The following ELAVL2 variants were observed in gnomAD, a reference collection of about 807,000 sequenced individuals.
ELAVL2 encodes ELAV-like protein 2.
ELAVL2 carries 4 observed loss-of-function variants against 34.6 expected under a neutral mutation model. That is an observed-to-expected ratio of 0.12 (90% CI 0.06 to 0.26). The LOEUF (loss-of-function observed/expected upper bound fraction) is 0.26, where lower values mean the gene tolerates loss of function less well. ELAVL2 is among the 10% of genes least tolerant of loss of function. The pLI is 1.00. For synonymous variants in ELAVL2, 193 were observed against 154.8 expected, an observed-to-expected ratio of 1.25 and a Z score of -1.83; for missense variants, 432 against 442.8, an observed-to-expected ratio of 0.98 and a Z score of 0.22.
chr9:23,735,129 C>CAAAAAAAAAAAAAAAAAAAAAAAAAA (rs2047557256), intron 2 of ELAVL2: 1 of 29,462 alleles, frequency 3.4e-5, no homozygotes, highest in Non-Finnish European at 8.1e-5. Context: ...AAAAAAAAAG[C>CAAAAAAAAAAAAAAAAAAAAAAAAAA]CCTTAAGAAA....
chr9:23,833,364 T>G, the ELAVL2 span, among the ~76,000 whole-genome samples: 1 of 151,896 alleles, frequency 6.6e-6, no homozygotes, highest in Non-Finnish European at 1.5e-5. Flanking sequence ...GCTATGATTT[T>G]TATTTTTTTC....
chr9:23,721,202 G>C (rs187815844), intron 3 of ELAVL2, among the ~76,000 whole-genome samples: 43 of 152,294 alleles, frequency 2.8e-4, no homozygotes, highest in African/African-American at 1.0e-3. Context: ...TAAAGCCCAT[G>C]AAACTCATCC....
chr9:23,830,601 TAC>T (rs10525135), upstream of ELAVL2, among the ~76,000 whole-genome samples: 69 of 133,114 alleles, frequency 5.2e-4, no homozygotes, highest in South Asian at 2.9e-3. Flanking sequence ...GCCCCCCACT[TAC>T]ACACACACAC....
At chr9:23,830,715 A>C (rs2138748146), upstream of ELAVL2, among the ~76,000 whole-genome samples, 1 of 151,496 alleles carries the variant, frequency 6.6e-6, no homozygotes, top group South Asian at 2.1e-4. Flanking sequence ...TCTGTTGCAC[A>C]TGTCCCAGAG....
chr9:23,729,662 G>C (rs2046079446), intron 3 of ELAVL2, among the ~76,000 whole-genome samples: 1 of 151,976 alleles, frequency 6.6e-6, no homozygotes, highest in South Asian at 2.1e-4. Flanking sequence ...TGCTCAAGAA[G>C]TATCTAGAAT....
intron 3 of ELAVL2, among the ~76,000 whole-genome samples, chr9:23,728,281 G>T (rs1028049627): frequency 2.0e-5 from 3 of 152,116 alleles, no homozygotes; most frequent in Non-Finnish European, 4.4e-5. Flanking sequence ...AACCTGGAAA[G>T]ACAGAAGCTG....
At position 23,785,469 on chromosome 9, in the gene ELAVL2, C is replaced by T. The variant is rs75631609; in HGVS notation, c.-15-23220G>A. 3.1e-3 allele frequency among the ~76,000 whole-genome samples: 473 copies of T among 152,238 alleles called. 3 individuals carry two copies. Among genetic ancestry groups the T allele is most frequent in the African/African-American group, 0.011 (449 of 41,546 alleles). On this transcript the variant is annotated intron_variant, in intron 1 of 6. Coordinates refer to ENST00000397312, the MANE Select transcript of ELAVL2 (RefSeq NM_004432.5). The stretch of plus-strand genomic sequence containing the variant: ...GGATCTTTTAGTTATCACAGCTGCA[C>T]CTACAAGTCAAATATAGGCAAAATG...
intron 5 of ELAVL2, among the ~76,000 whole-genome samples, chr9:23,697,043 A>C (rs1349946915): frequency 1.3e-5 from 2 of 152,158 alleles, no homozygotes; most frequent in Non-Finnish European, 2.9e-5. Flanking sequence ...AAGACTGAGC[A>C]ATCATCGAAG....
At chr9:23,781,464 A>C (rs2059044615) in intron 1 of ELAVL2, among the ~76,000 whole-genome samples, 1 of 151,922 alleles carries the variant, frequency 6.6e-6, no homozygotes, top group South Asian at 2.1e-4. Context: ...TATTTAAGCC[A>C]CCAAAACATA....
intron 3 of ELAVL2, among the ~76,000 whole-genome samples, chr9:23,717,014 G>A (rs1355840738): frequency 1.3e-5 from 2 of 152,296 alleles, no homozygotes; most frequent in Middle Eastern, 6.8e-3. Context: ...TGTATGGAAG[G>A]AGAATACAGA....
At chr9:23,833,708 T>C in the ELAVL2 span, among the ~76,000 whole-genome samples, 1 of 151,836 alleles carries the variant, frequency 6.6e-6, no homozygotes, top group South Asian at 2.1e-4. Context: ...AAATAAAAAA[T>C]AACCAAAAAT....
chr9:23,715,343 T>C (rs1003014335), intron 3 of ELAVL2, among the ~76,000 whole-genome samples: 1 of 151,118 alleles, frequency 6.6e-6, no homozygotes, highest in Non-Finnish European at 1.5e-5. Flanking sequence ...AGAGACGGGG[T>C]TTCACAGTGT....
chr9:23,753,300 T>C (rs1253278996), intron 2 of ELAVL2, among the ~76,000 whole-genome samples: 3 of 152,100 alleles, frequency 2.0e-5, no homozygotes, highest in African/African-American at 7.2e-5. Context: ...CAAAAGAAGT[T>C]GGCAAATTTT....
At chr9:23,758,293 G>A (rs2054063758) in intron 2 of ELAVL2, among the ~76,000 whole-genome samples, 1 of 151,948 alleles carries the variant, frequency 6.6e-6, no homozygotes, top group South Asian at 2.1e-4. Flanking sequence ...TACGAAGTAT[G>A]CCTACTTTTC....
chr9:23,840,796 C>A, the ELAVL2 span, among the ~76,000 whole-genome samples: 2 of 152,118 alleles, frequency 1.3e-5, no homozygotes, highest in South Asian at 4.1e-4. Context: ...GCAAATAAGC[C>A]AAAATTACTT....
intron 2 of ELAVL2, among the ~76,000 whole-genome samples, chr9:23,759,780 ATATATATAT>A (rs1564324846): frequency 1.8e-4 from 25 of 138,880 alleles, no homozygotes; most frequent in Admixed American, 6.5e-4. Flanking sequence ...ATATATATAT[ATATATATAT>A]AATGTATAGA....
chr9:23,759,754 T>TATA (rs1554719969), intron 2 of ELAVL2, among the ~76,000 whole-genome samples: 4 of 81,350 alleles, frequency 4.9e-5, no homozygotes, highest in African/African-American at 1.7e-4. Flanking sequence ...ATATATAGTA[T>TATA]TATATATATA....
chr9:23,832,070 A>T, the ELAVL2 span: 1 of 152,230 alleles, frequency 6.6e-6, no homozygotes, highest in South Asian at 2.1e-4. Flanking sequence ...CAGGGGTGAG[A>T]GGAAGTGGAT....
chr9:23,840,184 G>A, the ELAVL2 span, among the ~76,000 whole-genome samples: 25 of 152,158 alleles, frequency 1.6e-4, no homozygotes, highest in African/African-American at 6.0e-4. Flanking sequence ...TTTTAGGGCT[G>A]TTGTGAGCAT....
Sources: allele counts gnomAD v4.1 joint callset (sites outside exome capture counted in the v4.1 genomes callset), GRCh38; gene constraint gnomAD v4.1.1; transcripts MANE v1.5; gene names NCBI Gene and HGNC (gene_info 2026-07-23, HGNC 2026-07-21).